Variants in MARCHF1 observed in about 807,000 individuals in gnomAD.
The protein encoded by MARCHF1 is membrane associated ring-CH-type finger 1, also known as E3 ubiquitin-protein ligase MARCHF1.
Under a neutral mutation model 54.2 loss-of-function variants are expected in MARCHF1, and 40 were observed. The ratio of observed to expected loss-of-function variants is 0.74; its 90% CI spans 0.57 to 0.96. The LOEUF (loss-of-function observed/expected upper bound fraction) is 0.96. Among genes scored for constraint, MARCHF1 ranks in the 40% least tolerant of loss-of-function variants. The pLI, the probability that MARCHF1 is intolerant of heterozygous loss-of-function variation, is 0.00. For missense variants in MARCHF1, 586 were observed against 656.5 expected (o/e 0.89, Z 1.17); for synonymous variants, 236 against 236.3 (o/e 1.00, Z 0.01).
At chr4:163,632,167 A>G (rs1179714341) in intron 5 of MARCHF1, among the ~76,000 whole-genome samples, 1 of 152,192 alleles carries the variant, frequency 6.6e-6, no homozygotes, top group Non-Finnish European at 1.5e-5. Flanking sequence ...TCTGGAAAAT[A>G]TAGGTAGAAT....
intron 1 of MARCHF1, among the ~76,000 whole-genome samples, chr4:164,144,708 A>C (rs968413498): frequency 7.9e-6 from 1 of 126,670 alleles, no homozygotes; most frequent in East Asian, 2.1e-4. Flanking sequence ...ACATGCCCAC[A>C]AGAGAAAGCA....
intron 1 of MARCHF1, among the ~76,000 whole-genome samples, chr4:164,269,617 C>A (rs868415254): frequency 6.6e-6 from 1 of 152,044 alleles, no homozygotes; most frequent in East Asian, 1.9e-4. Context: ...ACATTGTTAT[C>A]ATGAAATTAG....
At chr4:164,069,691 G>A (rs1421805732) in intron 2 of MARCHF1, among the ~76,000 whole-genome samples, 2 of 152,042 alleles carry the variant, frequency 1.3e-5, no homozygotes, top group African/African-American at 2.4e-5. Flanking sequence ...AACACTCACC[G>A]CGAGGGTCCA....
At chr4:164,299,366 T>C (rs150970231) in intron 1 of MARCHF1, among the ~76,000 whole-genome samples, 122 of 152,230 alleles carry the variant, frequency 8.0e-4, no homozygotes, top group South Asian at 1.0e-3. Flanking sequence ...TAAATGGAAA[T>C]CTTAGAATTA....
At chr4:164,037,369 A>T (rs2111009240) in intron 2 of MARCHF1, among the ~76,000 whole-genome samples, 1 of 152,340 alleles carries the variant, frequency 6.6e-6, no homozygotes, top group Middle Eastern at 3.4e-3. Context: ...CCTGATTACA[A>T]TTATAGTTAA....
At chr4:163,788,299 C>T (rs923711083) in intron 4 of MARCHF1, among the ~76,000 whole-genome samples, 1 of 151,712 alleles carries the variant, frequency 6.6e-6, no homozygotes, top group Non-Finnish European at 1.5e-5. Context: ...AAGATAATAC[C>T]GAGAATTCTC....
intron 5 of MARCHF1, among the ~76,000 whole-genome samples, chr4:163,651,525 CTTTTTTTT>C (rs66848288): frequency 1.6e-4 from 21 of 131,048 alleles, no homozygotes; most frequent in African/African-American, 3.4e-4. Context: ...AAGTACCATA[CTTTTTTTT>C]TTTTTTTTTT....
rs113268582 is a variant in MARCHF1, at chr4:163,684,050, T to C, written c.162+16763A>G. On this transcript the variant is annotated intron_variant, in intron 5 of 9. Coordinates refer to ENST00000514618, the MANE Select transcript of MARCHF1 (RefSeq NM_001394959.1). ...GGGCTTCAGGGCAGCCAGCATAGCC[T>C]TTATGCCTCTCAAGGTATGTACCAT... Among the ~76,000 whole-genome samples the C allele has an allele frequency of 9.6e-3, 1,466 of 152,334 alleles. 27 individuals carry two copies. Among genetic ancestry groups the C allele is most frequent in the African/African-American group, 0.034 (1,407 of 41,566 alleles).
In MARCHF1 at chr4:163,580,801, T is replaced by TG. The variant is rs1445899147; in HGVS notation, c.1191+4947_1191+4948insC. On this transcript the variant is annotated intron_variant, in intron 8 of 9. Transcript: ENST00000514618. The stretch of plus-strand genomic sequence containing the variant: ...AATGATTTAAGTAAGTATTAAAGTT[T>TG]TTTTTTTTTTTTGAGACGGAGTCTC... Among the ~76,000 whole-genome samples, 5 of 110,000 alleles carry TG rather than the reference T, an allele frequency of 4.5e-5. 1 individual carries two copies. Among genetic ancestry groups the TG allele is most frequent in the African/African-American group, 1.7e-4 (5 of 28,980 alleles). 72.2% of individuals were successfully genotyped at this position (110,000 alleles called of 152,430 possible). A position where few individuals can be genotyped will look rare whatever the true frequency, so the allele number is the denominator to read the frequency against.
intron 2 of MARCHF1, among the ~76,000 whole-genome samples, chr4:164,041,125 T>C (rs1046956995): frequency 2.0e-5 from 3 of 152,134 alleles, no homozygotes; most frequent in African/African-American, 7.2e-5. Context: ...TGAAGCCAAC[T>C]AACCCCACCT....
At chr4:164,189,773 G>A (rs1172557835) in intron 1 of MARCHF1, 1 of 1,418,014 alleles carries the variant, frequency 7.1e-7, no homozygotes, top group Non-Finnish European at 1.0e-6. Flanking sequence ...AGGTCTATGA[G>A]GATGAATGAC....
chr4:164,359,197 T>TA (rs1251530716), intron 1 of MARCHF1, among the ~76,000 whole-genome samples: 2 of 152,224 alleles, frequency 1.3e-5, no homozygotes, highest in Admixed American at 6.5e-5. Flanking sequence ...TTAAGCACTC[T>TA]ATTAACTCCA....
chr4:163,798,137 G>T (rs1016100773), intron 4 of MARCHF1, among the ~76,000 whole-genome samples: 1 of 152,134 alleles, frequency 6.6e-6, no homozygotes, highest in African/African-American at 2.4e-5. Context: ...AATAATTAAG[G>T]TTAAATGAGA....
chr4:164,067,120 C>T (rs926699118), intron 2 of MARCHF1, among the ~76,000 whole-genome samples: 2 of 152,004 alleles, frequency 1.3e-5, no homozygotes, highest in Admixed American at 6.6e-5. Context: ...TCCCTATTTT[C>T]ATTAATTTCA....
chr4:163,574,101 T>C (rs1283598402), intron 8 of MARCHF1, among the ~76,000 whole-genome samples: 1 of 152,310 alleles, frequency 6.6e-6, no homozygotes, highest in African/African-American at 2.4e-5. Context: ...TTTGGCTGCA[T>C]AAATGTCTTC....
In MARCHF1 at chr4:164,093,777, C is replaced by T. The variant is rs145974604; in HGVS notation, c.-248+17811G>A. Among the ~76,000 whole-genome samples the T allele has an allele frequency of 6.4e-3, 967 of 152,188 alleles. 11 individuals carry two copies. The highest frequency in any genetic ancestry group is 0.019 in the African/African-American group (780 of 41,532). ...GGCATCTGTATTCCAGAAACAGAAG[C>T]CTTCTCAGCACAGCACCCTTAATGT... On this transcript the variant is annotated intron_variant, in intron 2 of 9. Transcript: ENST00000514618.
intron 1 of MARCHF1, among the ~76,000 whole-genome samples, chr4:164,151,792 A>C (rs563379892): frequency 2.6e-5 from 4 of 152,106 alleles, no homozygotes; most frequent in Admixed American, 6.6e-5. Context: ...GCCCCCCCCA[A>C]AAAAATATAT....
chr4:163,534,378 G>A (rs1738461506), intron 9 of MARCHF1, among the ~76,000 whole-genome samples: 1 of 152,092 alleles, frequency 6.6e-6, no homozygotes, highest in African/African-American at 2.4e-5. Flanking sequence ...TCCCTACATC[G>A]TAGTCCAGGA....
At chr4:164,245,759 A>G (rs1467454746) in intron 1 of MARCHF1, among the ~76,000 whole-genome samples, 2 of 143,370 alleles carry the variant, frequency 1.4e-5, no homozygotes, top group African/African-American at 5.1e-5. Context: ...AAGTCTCAGG[A>G]TACAAAATCA....
Sources: allele counts gnomAD v4.1 joint callset (sites outside exome capture counted in the v4.1 genomes callset), GRCh38; gene constraint gnomAD v4.1.1; transcripts MANE v1.5; gene names NCBI Gene and HGNC (gene_info 2026-07-23, HGNC 2026-07-21).